The following RIMS4 variants were observed in gnomAD, a reference collection of about 807,000 sequenced individuals.
The protein encoded by RIMS4 is regulating synaptic membrane exocytosis 4.
Under a neutral mutation model 29.0 loss-of-function variants are expected in RIMS4, and 9 were observed. The observed-to-expected ratio is 0.31, with a 90% CI of 0.19 to 0.54. The LOEUF (loss-of-function observed/expected upper bound fraction) is 0.54, where lower values mean the gene tolerates loss of function less well. RIMS4 is among the 20% of genes least tolerant of loss of function. The pLI, the probability that RIMS4 is intolerant of heterozygous loss-of-function variation, is 0.94. For synonymous variants in RIMS4, 130 were observed against 152.9 expected (o/e 0.85, Z 1.10); for missense variants, 193 against 365.7 (o/e 0.53, Z 3.85).
chr20:44,783,680 A>C (rs2066195105), intron 1 of RIMS4, among the ~76,000 whole-genome samples: 1 of 152,192 alleles, frequency 6.6e-6, no homozygotes, highest in African/African-American at 2.4e-5. Flanking sequence ...TACATGCTTC[A>C]ACATATATGA....
At chr20:44,789,723 GT>G (rs2066224761) in intron 1 of RIMS4, among the ~76,000 whole-genome samples, 1 of 152,152 alleles carries the variant, frequency 6.6e-6, no homozygotes, top group South Asian at 2.1e-4. Context: ...ATCTGGCTGA[GT>G]TTTATTTATT....
intron 1 of RIMS4, among the ~76,000 whole-genome samples, chr20:44,779,775 G>A (rs1258512663): frequency 6.6e-6 from 1 of 152,206 alleles, no homozygotes; most frequent in Non-Finnish European, 1.5e-5. Context: ...TAGGAGTGCA[G>A]CTGCTGGGTT....
At chr20:44,776,316 C>A (rs953294903) in intron 1 of RIMS4, among the ~76,000 whole-genome samples, 5 of 152,102 alleles carry the variant, frequency 3.3e-5, no homozygotes, top group Non-Finnish European at 7.4e-5. Context: ...TCACTGCCTG[C>A]TGAATTAGGT....
At chr20:44,761,519 C>T (rs1166419009) in intron 2 of RIMS4, among the ~76,000 whole-genome samples, 1 of 152,230 alleles carries the variant, frequency 6.6e-6, no homozygotes, top group Non-Finnish European at 1.5e-5. Context: ...CAGTGACAAA[C>T]TGGGAGTCTG....
chr20:44,795,243 C>T (rs115426956), intron 1 of RIMS4, among the ~76,000 whole-genome samples: 278 of 152,342 alleles, frequency 1.8e-3, no homozygotes, highest in African/African-American at 6.4e-3. Flanking sequence ...TGGCGAAGCT[C>T]CAGAGCCCAA....
intron 1 of RIMS4, among the ~76,000 whole-genome samples, chr20:44,786,920 C>A (rs779415278): frequency 6.6e-5 from 10 of 152,180 alleles, no homozygotes; most frequent in Non-Finnish European, 1.5e-4. Context: ...CAACACGGTT[C>A]TAGGCACTGG....
At chr20:44,796,771 C>G (rs932593597) in intron 1 of RIMS4, among the ~76,000 whole-genome samples, 1 of 152,178 alleles carries the variant, frequency 6.6e-6, no homozygotes, top group African/African-American at 2.4e-5. Context: ...ACAAGACTGT[C>G]AAATATGAAG....
At chr20:44,772,687 T>C (rs532664726) in intron 1 of RIMS4, among the ~76,000 whole-genome samples, 1 of 152,190 alleles carries the variant, frequency 6.6e-6, no homozygotes, top group African/African-American at 2.4e-5. Context: ...AGATCATTAG[T>C]GGGATCTTTT....
At chr20:44,784,266 T>C (rs1408776128) in intron 1 of RIMS4, among the ~76,000 whole-genome samples, 2 of 152,278 alleles carry the variant, frequency 1.3e-5, no homozygotes, top group East Asian at 3.9e-4. Flanking sequence ...AGCAGAGATG[T>C]AGGGGATGGG....
Position 44,774,389 on chromosome 20 carries a change from C to A in RIMS4, c.98-2976G>T, listed in dbSNP as rs186610246. 3.6e-3 allele frequency among the ~76,000 whole-genome samples: 555 copies of A among 152,222 alleles called. 10 individuals are homozygous for A. The highest frequency in any genetic ancestry group is 0.034 in the Admixed American group (521 of 15,290). On this transcript the variant is annotated intron_variant, in intron 1 of 5. Transcript: ENST00000372851. Reference sequence around the variant, plus strand: ...GAGTCAGTGGACTGGGAAAGGCAGACCCACCCTCAATCTGGGTGGCATCAT... The same window carrying A: ...GAGTCAGTGGACTGGGAAAGGCAGAACCACCCTCAATCTGGGTGGCATCAT...
At position 44,779,537 on chromosome 20, in the gene RIMS4, G is replaced by A. The variant is rs112657928; in HGVS notation, c.98-8124C>T. Among the ~76,000 whole-genome samples the A allele has an allele frequency of 4.9e-3, 747 of 152,298 alleles. 3 individuals are homozygous for A. Among genetic ancestry groups the A allele is most frequent in the African/African-American group, 0.017 (708 of 41,566 alleles). ...TCTGGCTTCTTTTACCCAACACGAC[G>A]TTTGTGGGGTTCATCCATGTTGATT... On this transcript the variant is annotated intron_variant, in intron 1 of 5. Transcript: ENST00000372851.
At chr20:44,794,353 G>C (rs2066245804) in intron 1 of RIMS4, among the ~76,000 whole-genome samples, 1 of 152,178 alleles carries the variant, frequency 6.6e-6, no homozygotes, top group Non-Finnish European at 1.5e-5. Flanking sequence ...TCTGGGGCTG[G>C]AGACATTCAG....
At chr20:44,808,809 C>G (rs1399354341) in intron 1 of RIMS4, among the ~76,000 whole-genome samples, 1 of 152,174 alleles carries the variant, frequency 6.6e-6, no homozygotes, top group Non-Finnish European at 1.5e-5. Flanking sequence ...ATGATGGAAC[C>G]TTGGTGGCCA....
intron 1 of RIMS4, among the ~76,000 whole-genome samples, chr20:44,776,119 G>T (rs2066159246): frequency 6.6e-6 from 1 of 151,786 alleles, no homozygotes; most frequent in South Asian, 2.1e-4. Flanking sequence ...CCTCTACAAA[G>T]AAAAAATACA....
chr20:44,793,724 T>C (rs978758468), intron 1 of RIMS4, among the ~76,000 whole-genome samples: 1 of 151,938 alleles, frequency 6.6e-6, no homozygotes, highest in African/African-American at 2.4e-5. Flanking sequence ...TCAGAGAACA[T>C]TCCAGTAATG....
intron 2 of RIMS4, among the ~76,000 whole-genome samples, chr20:44,762,635 G>A (rs1438679512): frequency 6.6e-6 from 1 of 152,176 alleles, no homozygotes; most frequent in African/African-American, 2.4e-5. Context: ...ATAATATCTG[G>A]GCGGCTGCCT....
chr20:44,804,458 A>G (rs1168773983), intron 1 of RIMS4, among the ~76,000 whole-genome samples: 3 of 152,122 alleles, frequency 2.0e-5, no homozygotes, highest in African/African-American at 7.2e-5. Flanking sequence ...GAGATACTTC[A>G]CCCTTTTGAG....
At chr20:44,776,005 G>A (rs763286320) in intron 1 of RIMS4, among the ~76,000 whole-genome samples, 5 of 151,964 alleles carry the variant, frequency 3.3e-5, no homozygotes, top group Non-Finnish European at 5.9e-5. Flanking sequence ...TTAGCCAGGC[G>A]TGGTGGCTCA....
chr20:44,756,631 C>T lies in RIMS4; in HGVS notation c.591+267G>A, dbSNP rs2066061405. Among the ~76,000 whole-genome samples, 1 of 152,174 alleles carries T rather than the reference C, an allele frequency of 6.6e-6. No individual in the cohort carries two copies. The highest frequency in any genetic ancestry group is 2.1e-4 in the South Asian group (1 of 4,828). ...ACTTTTCCTGCACACAGCACACATT[C>T]CACTGGCACCAGAATGTTATCAGGT... is the stretch of plus-strand genomic sequence containing the variant. On this transcript the variant is annotated intron_variant, in intron 5 of 5. Transcript: ENST00000372851. This position sits in a 1 kb window ranked among gnomAD's most constrained non-coding sequence, Gnocchi z 5.9.
Sources: gnomAD v4.1 joint callset for allele counts (sites outside exome capture counted in the v4.1 genomes callset) on GRCh38, gnomAD v4.1.1 for gene constraint, Gnocchi (gnomAD v3.1) non-coding constraint, MANE v1.5 for transcripts, NCBI Gene and HGNC (gene_info 2026-07-23, HGNC 2026-07-21) for gene names.